Variants in CYRIA observed in about 807,000 individuals in gnomAD.
The protein encoded by CYRIA is CYFIP related Rac1 interactor A, also known as CYFIP-related Rac1 interactor A.
Under a neutral mutation model 43.9 loss-of-function variants are expected in CYRIA, and 15 were observed. The observed-to-expected ratio is 0.34, with a 90% CI of 0.23 to 0.53. The LOEUF (loss-of-function observed/expected upper bound fraction) is 0.53, where lower values mean the gene tolerates loss of function less well. Among genes scored for constraint, CYRIA ranks in the 20% least tolerant of loss-of-function variants. The probability of loss-of-function intolerance (pLI) is 0.94; values close to 1 mark genes in which losing one functional copy is unlikely to be tolerated. For missense variants in CYRIA, 236 were observed against 394.2 expected, an observed-to-expected ratio of 0.60 and a Z score of 3.40; for synonymous variants, 117 against 136.0, an observed-to-expected ratio of 0.86 and a Z score of 0.97.
chr2:16,652,596 T>C (rs1670005358), intron 1 of CYRIA, among the ~76,000 whole-genome samples: 1 of 152,142 alleles, frequency 6.6e-6, no homozygotes, highest in Admixed American at 6.5e-5. Flanking sequence ...GTCTTCCGGG[T>C]CCCACAGACT....
intron 1 of CYRIA, among the ~76,000 whole-genome samples, chr2:16,627,976 G>A (rs1669219996): frequency 6.6e-6 from 1 of 152,216 alleles, no homozygotes; most frequent in Admixed American, 6.5e-5. Flanking sequence ...AGCTGGGCGG[G>A]CAGGCAGGCG....
chr2:16,561,913 TACCC>T, intron 6 of CYRIA, 88 bp downstream of exon 6: 8 of 1,281,860 alleles, frequency 6.2e-6, no homozygotes, highest in Non-Finnish European at 7.6e-6. Context: ...CTCATTTCTC[TACCC>T]ACCCACCCCA....
At chr2:16,562,257 G>A (rs1455177039) in intron 5 of CYRIA, 116 bp from the exon 6 acceptor site, 12 of 1,130,216 alleles carry the variant, frequency 1.1e-5, no homozygotes, top group Middle Eastern at 2.7e-4. Context: ...AGTCTCTCCC[G>A]ATAACTACGT....
intron 3 of CYRIA, among the ~76,000 whole-genome samples, chr2:16,567,573 C>T (rs138258793): frequency 7.6e-4 from 115 of 152,268 alleles, no homozygotes; most frequent in African/African-American, 2.6e-3. Flanking sequence ...GTTACCTAAA[C>T]TCTCCATGAC....
At chr2:16,600,969 T>A (rs1013502304) in intron 2 of CYRIA, among the ~76,000 whole-genome samples, 5 of 152,224 alleles carry the variant, frequency 3.3e-5, no homozygotes, top group Non-Finnish European at 7.3e-5. Context: ...ACAGTAGAAG[T>A]CCTGGGGCTC....
At chr2:16,569,290 C>T (rs1667049122) in intron 3 of CYRIA, among the ~76,000 whole-genome samples, 1 of 152,188 alleles carries the variant, frequency 6.6e-6, no homozygotes, top group Admixed American at 6.5e-5. Context: ...GACCCTCAGT[C>T]CTCAGCCTCC....
chr2:16,656,907 G>A (rs752260124), intron 1 of CYRIA, among the ~76,000 whole-genome samples: 1 of 152,160 alleles, frequency 6.6e-6, no homozygotes, highest in Non-Finnish European at 1.5e-5. Flanking sequence ...CCAGCCAAAG[G>A]CACAGAAACA....
chr2:16,574,190 T>C (rs1667243179), intron 3 of CYRIA, among the ~76,000 whole-genome samples: 1 of 152,156 alleles, frequency 6.6e-6, no homozygotes, highest in African/African-American at 2.4e-5. Context: ...GCTGGCAGCA[T>C]TTTGCCCCTG....
chr2:16,611,984 A>AG (rs1470850217), intron 2 of CYRIA, among the ~76,000 whole-genome samples: 3 of 152,218 alleles, frequency 2.0e-5, no homozygotes, highest in Non-Finnish European at 4.4e-5. Context: ...CCAGTCCTGC[A>AG]GGGGGGACTC....
intron 3 of CYRIA, among the ~76,000 whole-genome samples, chr2:16,587,190 T>G (rs1667759965): frequency 6.6e-6 from 1 of 152,142 alleles, no homozygotes. Context: ...CTAAAAATAT[T>G]CTGTAAGCCT....
chr2:16,630,598 C>T (rs573355861), intron 1 of CYRIA, among the ~76,000 whole-genome samples: 15 of 152,262 alleles, frequency 9.9e-5, no homozygotes, highest in Admixed American at 7.2e-4. Flanking sequence ...CCAAGCTTTT[C>T]GATGAGTTCA....
intron 2 of CYRIA, among the ~76,000 whole-genome samples, chr2:16,590,036 C>T (rs988282385): frequency 6.6e-6 from 1 of 151,382 alleles, no homozygotes; most frequent in African/African-American, 2.4e-5. Context: ...CATCTCTCAC[C>T]TTGAGGTGTA....
chr2:16,569,086 C>T (rs1196935550), intron 3 of CYRIA, among the ~76,000 whole-genome samples: 1 of 152,186 alleles, frequency 6.6e-6, no homozygotes, highest in African/African-American at 2.4e-5. Flanking sequence ...AAACAAGCTG[C>T]GCTCTCCATC....
chr2:16,571,697 G>A (rs1667132038), intron 3 of CYRIA, among the ~76,000 whole-genome samples: 1 of 152,148 alleles, frequency 6.6e-6, no homozygotes, highest in African/African-American at 2.4e-5. Flanking sequence ...AGCTATCTCT[G>A]TGCCCCATGA....
At chr2:16,575,895 A>AAAT (rs1477865113) in intron 3 of CYRIA, among the ~76,000 whole-genome samples, 1 of 151,344 alleles carries the variant, frequency 6.6e-6, no homozygotes, top group Non-Finnish European at 1.5e-5. Flanking sequence ...ATAAATAAAT[A>AAAT]AATAAATAAA....
At chr2:16,624,550 G>A (rs934758609) in intron 1 of CYRIA, among the ~76,000 whole-genome samples, 10 of 152,266 alleles carry the variant, frequency 6.6e-5, no homozygotes, top group Admixed American at 5.2e-4. Context: ...CATGAACACA[G>A]TGACACAGTG....
At chr2:16,657,341 C>T (rs77415265) in intron 1 of CYRIA, among the ~76,000 whole-genome samples, 10,093 of 152,210 alleles carry the variant, frequency 0.066, 549 homozygotes, top group African/African-American at 0.15. Context: ...CATCCCCCTC[C>T]AAGGCCAAAA....
At chr2:16,563,388 G>T (rs1298016973) in intron 5 of CYRIA, among the ~76,000 whole-genome samples, 1 of 151,988 alleles carries the variant, frequency 6.6e-6, no homozygotes, top group Non-Finnish European at 1.5e-5. Context: ...TCATTTTATG[G>T]CAAAAGTAGA....
intron 1 of CYRIA, among the ~76,000 whole-genome samples, chr2:16,642,459 A>G (rs1669703297): frequency 6.6e-6 from 1 of 152,192 alleles, no homozygotes; most frequent in Middle Eastern, 3.2e-3. Context: ...GCGTCCCTGC[A>G]TACCTTCCAT....
Sources: allele counts gnomAD v4.1 joint callset (sites outside exome capture counted in the v4.1 genomes callset), GRCh38; gene constraint gnomAD v4.1.1; transcripts MANE v1.5; gene names NCBI Gene and HGNC (gene_info 2026-07-23, HGNC 2026-07-21).